Variants in USP9X observed in about 807,000 individuals in gnomAD.
USP9X encodes ubiquitin carboxyl-terminal hydrolase 9X.
USP9X carries 7 observed loss-of-function variants against 190.3 expected under a neutral mutation model. That is an observed-to-expected ratio of 0.04 (90% CI 0.02 to 0.07). The LOEUF (loss-of-function observed/expected upper bound fraction) is 0.07. Among genes scored for constraint, USP9X ranks in the 10% least tolerant of loss-of-function variants. USP9X has a pLI of 1.00. For missense variants in USP9X, 1,010 were observed against 1,916.9 expected (o/e 0.53, Z 8.83); for synonymous variants, 645 against 659.5 (o/e 0.98, Z 0.34).
chrX:41,158,324 G>A (rs375212879), intron 14 of USP9X, among the ~76,000 whole-genome samples: 2 of 111,343 alleles, frequency 1.8e-5, no homozygotes, highest in Admixed American at 1.9e-4. Flanking sequence ...CAATTGGAAG[G>A]TGGTGAGAGA....
In USP9X at chrX:41,223,275, G is replaced by A. The variant is rs780673612; in HGVS notation, c.6624G>A (p.Val2208=). ...GTGTACCTGCTACTTTTATGCTTGT[G>A]TCTTTAGATGAAGGTCCAGGTCCTC... is the stretch of plus-strand genomic sequence containing the variant. ...KLSVPATFML[V]SLDEGPGPPI... Residue 2208 remains valine, a synonymous_variant, in exon 39 of 45, where the codon GTG becomes GTA. Coordinates refer to ENST00000378308, the MANE Select transcript of USP9X (RefSeq NM_001039591.3). The A allele has an allele frequency of 8.3e-7, 1 of 1,211,480 alleles. No homozygotes were observed. Among genetic ancestry groups the A allele is most frequent in the South Asian group, 1.8e-5 (1 of 56,980 alleles).
chrX:41,232,352 A>G, intron 44 of USP9X, 35 bp from the exon 45 acceptor site: 1 of 1,186,975 alleles, frequency 8.4e-7, no homozygotes. Context: ...ACTATGTGAA[A>G]AGTTTTAACA....
In USP9X at chrX:41,086,065, C is replaced by G. The variant is rs976371580; in HGVS notation, c.-203C>G. The G allele has an allele frequency of 3.4e-6, 1 of 296,520 alleles. No individual in the cohort carries two copies. The highest frequency in any genetic ancestry group is 2.7e-5 in the African/African-American group (1 of 36,652). 24.4% of individuals were successfully genotyped at this position (296,520 alleles called of 1,213,427 possible). A position where few individuals can be genotyped will look rare whatever the true frequency, so the allele number is the denominator to read the frequency against. ...GAGCCCCACCGTCGCCTGGTGCCTCCCGCCTCCGTGTGCCCTGGTTGTGAG... is the reference window on the plus strand; with the variant it reads ...GAGCCCCACCGTCGCCTGGTGCCTCGCGCCTCCGTGTGCCCTGGTTGTGAG... On this transcript the variant is annotated 5_prime_UTR_variant, in exon 1 of 45. Coordinates refer to ENST00000378308, the MANE Select transcript of USP9X (RefSeq NM_001039591.3).
chrX:41,212,731 G>A lies in USP9X; in HGVS notation c.5190-1837G>A, dbSNP rs1048028691. Among the ~76,000 whole-genome samples the A allele has an allele frequency of 3.6e-5, 4 of 111,364 alleles. No individual in the cohort carries two copies. In the Admixed American group the frequency reaches 3.8e-4, roughly 11 times the overall value. Reference sequence around the variant, plus strand: ...TACAATCCAAACTGTATTAAATATAGTCATGGGTTGAGTACACATGTGGTT... The same window carrying A: ...TACAATCCAAACTGTATTAAATATAATCATGGGTTGAGTACACATGTGGTT... On this transcript the variant is annotated intron_variant, in intron 33 of 44. Coordinates refer to ENST00000378308, the MANE Select transcript of USP9X (RefSeq NM_001039591.3).
chrX:41,182,134 GC>G (rs2062832465), intron 21 of USP9X, among the ~76,000 whole-genome samples: 1 of 111,919 alleles, frequency 8.9e-6, no homozygotes, highest in South Asian at 3.7e-4. Context: ...ACTTCAGGAA[GC>G]CAAGGTGGGA....
chrX:41,125,781 GTTC>G (rs1179168570), intron 2 of USP9X, among the ~76,000 whole-genome samples: 1 of 108,136 alleles, frequency 9.2e-6, no homozygotes, highest in Non-Finnish European at 1.9e-5. Context: ...TTGGTTTGCT[GTTC>G]TTTTTCTCAT....
rs1555929612 is a variant in USP9X, at chrX:41,198,616, C to T, written c.4469C>T (p.Pro1490Leu). The T allele has an allele frequency of 1.7e-6, 2 of 1,211,356 alleles. No homozygotes were observed. The highest frequency in any genetic ancestry group is 2.2e-6 in the Non-Finnish European group (2 of 895,128). ...NGELPAEQAI[P>L]VCGSPPTINA... ...GAGCTTCCAGCTGAACAGGCTATTC[C>T]GGTCTGTGGTTCACCACCTACAATT... Residue 1490 changes from proline (P) to leucine (L), a missense_variant, in exon 30 of 45, where the codon CCG (proline) becomes CTG (leucine). Physicochemically the swap from Pro to Leu is moderately conservative, Grantham distance 98. Transcript: ENST00000378308.
chrX:41,193,575 A>T (rs1224233938), intron 26 of USP9X, among the ~76,000 whole-genome samples: 1 of 111,382 alleles, frequency 9.0e-6, no homozygotes, highest in Non-Finnish European at 1.9e-5. Context: ...AAGTGGGCAG[A>T]TCACCTGAGC....
rs181261462 is a variant in USP9X, at chrX:41,102,341, G to A, written c.-159+16232G>A. On this transcript the variant is annotated intron_variant, in intron 1 of 44. Transcript: ENST00000378308. Reference sequence around the variant, plus strand: ...GCACATAAAAAATGTTACTAGACTGGGTGCAGTGGCTCATGCCTGTAATCC... The same window carrying A: ...GCACATAAAAAATGTTACTAGACTGAGTGCAGTGGCTCATGCCTGTAATCC... Among the ~76,000 whole-genome samples the A allele has an allele frequency of 9.2e-4, 103 of 111,813 alleles. No homozygotes were observed. The South Asian group carries it at 0.013, about 14-fold the overall frequency.
At chrX:41,231,910 T>C (rs1205705811) in intron 44 of USP9X, among the ~76,000 whole-genome samples, 2 of 111,374 alleles carry the variant, frequency 1.8e-5, no homozygotes, top group African/African-American at 6.5e-5. Flanking sequence ...CTGGTTACTT[T>C]ATCATCTTGA....
At chrX:41,162,724 G>T in intron 14 of USP9X, 66 bp from the exon 15 acceptor site, 2 of 903,577 alleles carry the variant, frequency 2.2e-6, no homozygotes, top group Non-Finnish European at 3.0e-6. Context: ...AATTTCTTTG[G>T]TTGAAGTCAA....
intron 32 of USP9X, among the ~76,000 whole-genome samples, chrX:41,207,431 C>G (rs750174409): frequency 2.3e-4 from 26 of 111,417 alleles, no homozygotes; most frequent in Non-Finnish European, 4.3e-4. Flanking sequence ...TATAAAATAA[C>G]AATATTTTAT....
At chrX:41,169,172 C>T (rs777416815) in intron 18 of USP9X, among the ~76,000 whole-genome samples, 1 of 109,556 alleles carries the variant, frequency 9.1e-6, no homozygotes, top group South Asian at 3.9e-4. Context: ...ACAAGGTCTA[C>T]CTATGTTGTC....
intron 33 of USP9X, among the ~76,000 whole-genome samples, chrX:41,213,784 A>G (rs2063187144): frequency 8.9e-6 from 1 of 112,372 alleles, no homozygotes; most frequent in South Asian, 3.6e-4. Flanking sequence ...TTTGCTTAAT[A>G]CCTGCTTTAT....
chrX:41,094,498 C>T lies in USP9X; in HGVS notation c.-159+8389C>T, dbSNP rs766155379. The stretch of plus-strand genomic sequence containing the variant: ...GTGTGTTTCTTGTCTGATGTCAGTG[C>T]ATGTCGTTATCTGAGCCATATCAAT... On this transcript the variant is annotated intron_variant, in intron 1 of 44. Coordinates refer to ENST00000378308, the MANE Select transcript of USP9X (RefSeq NM_001039591.3). Among the ~76,000 whole-genome samples, 4 of 109,836 alleles carry T rather than the reference C, an allele frequency of 3.6e-5. No individual in the cohort carries two copies. In the East Asian group the frequency reaches 1.2e-3, roughly 32 times the overall value.
At chrX:41,167,261 T>A (rs1197106137) in intron 16 of USP9X, 1 of 269,153 alleles carries the variant, frequency 3.7e-6, no homozygotes, top group Non-Finnish European at 6.6e-6. Flanking sequence ...TTTACAAAAA[T>A]GTACCTTTCA....
intron 14 of USP9X, among the ~76,000 whole-genome samples, chrX:41,155,181 A>G (rs1357499376): frequency 9.0e-6 from 1 of 111,521 alleles, no homozygotes; most frequent in Non-Finnish European, 1.9e-5. Context: ...CTTCACTAGC[A>G]TCTTTAGCTT....
Position 41,197,260 on chromosome X carries a change from T to C in USP9X, c.4234-104T>C, listed in dbSNP as rs769825159. 9 of 531,931 alleles carry C rather than the reference T, an allele frequency of 1.7e-5. No homozygotes were observed. In the African/African-American group the frequency reaches 1.9e-4, roughly 11 times the overall value. The allele number at this position is 531,931 out of a possible 1,213,427, so 43.8% of individuals were successfully genotyped here. ...ACTTAAGGAAATTATCTCATATCCCTCCAGCTCTGTCTCGTTCTGGCTCCT... is the reference window on the plus strand; with the variant it reads ...ACTTAAGGAAATTATCTCATATCCCCCCAGCTCTGTCTCGTTCTGGCTCCT... On this transcript the variant is annotated intron_variant, in intron 28 of 44. Coordinates refer to ENST00000378308, the MANE Select transcript of USP9X (RefSeq NM_001039591.3).
At chrX:41,205,561 C>T (rs1030861861) in intron 32 of USP9X, 68 bp downstream of exon 32, 4 of 965,784 alleles carry the variant, frequency 4.1e-6, no homozygotes, top group Admixed American at 3.2e-5. Flanking sequence ...TAACATTAAA[C>T]CTCTAAAAGA....
Sources: allele counts gnomAD v4.1 joint callset (sites outside exome capture counted in the v4.1 genomes callset), GRCh38; gene constraint gnomAD v4.1.1; transcripts MANE v1.5; gene names NCBI Gene and HGNC (gene_info 2026-07-23, HGNC 2026-07-21).